Variants in SLC38A10 observed in about 807,000 individuals in gnomAD.
The protein encoded by SLC38A10 is Sodium-coupled neutral amino acid transporter 10.
Under a neutral mutation model 81.0 loss-of-function variants are expected in SLC38A10, and 53 were observed. The observed-to-expected ratio is 0.65, with a 90% CI of 0.53 to 0.82. The LOEUF is 0.82. Ranked by LOEUF, SLC38A10 falls within the 40% of genes least tolerant of loss-of-function variation. The pLI is 0.00. For missense variants in SLC38A10, 1,471 were observed against 1,545.0 expected, an observed-to-expected ratio of 0.95 and a Z score of 0.80; for synonymous variants, 665 against 655.3, an observed-to-expected ratio of 1.01 and a Z score of -0.23.
At chr17:81,263,909 C>CGGGCACT (rs1215722128) in intron 10 of SLC38A10, 4 of 152,624 alleles carry the variant, frequency 2.6e-5, no homozygotes, top group African/African-American at 9.7e-5. Context: ...GCAGCAGCAG[C>CGGGCACT]GGGCACTGGG....
Position 81,270,851 on chromosome 17 carries a change from C to G in SLC38A10, c.1131+67G>C. On this transcript the variant is annotated intron_variant, in intron 10 of 15. Coordinates refer to ENST00000374759, the MANE Select transcript of SLC38A10 (RefSeq NM_001037984.3). The surrounding 1 kb of genome is among the most constrained non-coding windows in gnomAD (Gnocchi z 4.0). The stretch of plus-strand genomic sequence containing the variant: ...AAACGCTGAACCAGGGGCTTCCTCC[C>G]GCCTCCACCTCTCCCCAGCCCAGAC... 9 of 1,383,152 alleles carry G rather than the reference C, an allele frequency of 6.5e-6. No homozygotes were observed. Among genetic ancestry groups the G allele is most frequent in the South Asian group, 3.5e-5 (3 of 85,428 alleles). 85.7% of individuals were successfully genotyped at this position (1,383,152 alleles called of 1,614,324 possible). A position where few individuals can be genotyped will look rare whatever the true frequency, so the allele number is the denominator to read the frequency against.
chr17:81,258,032 C>T (rs1417460769), intron 11 of SLC38A10, among the ~76,000 whole-genome samples: 2 of 152,244 alleles, frequency 1.3e-5, no homozygotes, highest in Non-Finnish European at 2.9e-5. Context: ...TGAGCCTTTG[C>T]AGGGACTCAG....
chr17:81,256,172 G>A (rs146905928), intron 11 of SLC38A10, among the ~76,000 whole-genome samples: 2,193 of 152,376 alleles, frequency 0.014, 21 homozygotes, highest in Non-Finnish European at 0.023. Context: ...ACTCAGCCAC[G>A]GCGGAGGCGG....
intron 11 of SLC38A10, among the ~76,000 whole-genome samples, chr17:81,254,091 ACCG>A (rs369252282): frequency 2.0e-5 from 3 of 152,088 alleles, no homozygotes; most frequent in South Asian, 2.1e-4. Context: ...CACCACCACC[ACCG>A]CCATCACCAC....
chr17:81,276,977 G>A lies in SLC38A10; in HGVS notation c.729+54C>T, dbSNP rs368751838. The A allele has an allele frequency of 6.3e-5, 98 of 1,557,120 alleles. No homozygotes were observed. The highest frequency in any genetic ancestry group is 8.0e-5 in the Non-Finnish European group (90 of 1,129,482). On this transcript the variant is annotated intron_variant, in intron 7 of 15. Transcript: ENST00000374759. The surrounding 1 kb of genome is among the most constrained non-coding windows in gnomAD (Gnocchi z 4.7). ...CTGTGGCAGTCCCACGGGGCACCACGGCACATCATGCTGGCATGACACAGG... is the reference window on the plus strand; with the variant it reads ...CTGTGGCAGTCCCACGGGGCACCACAGCACATCATGCTGGCATGACACAGG...
chr17:81,292,729 C>A (rs2063320506), intron 1 of SLC38A10, among the ~76,000 whole-genome samples: 2 of 152,200 alleles, frequency 1.3e-5, no homozygotes, highest in South Asian at 4.1e-4. Flanking sequence ...TAATGTCCAC[C>A]ACATGGCAGG....
Position 81,295,018 on chromosome 17 carries a change from A to G in SLC38A10, c.-97T>C. The G allele has an allele frequency of 1.4e-6, 2 of 1,406,040 alleles. No homozygotes were observed. Among genetic ancestry groups the G allele is most frequent in the South Asian group, 1.5e-5 (1 of 66,000 alleles). 87.1% of individuals were successfully genotyped at this position (1,406,040 alleles called of 1,614,324 possible). On this transcript the variant is annotated 5_prime_UTR_variant, in exon 1 of 16. Coordinates refer to ENST00000374759, the MANE Select transcript of SLC38A10 (RefSeq NM_001037984.3). The stretch of plus-strand genomic sequence containing the variant: ...GCCCGAGGCCACGGTCACAGGTCCC[A>G]ACGTCCGGGACGCCGGTGGGGAGGG...
In SLC38A10 at chr17:81,294,877, G is replaced by T; in HGVS notation, c.45C>A (p.Ile15=). 1.3e-6 allele frequency: 2 copies of T among 1,597,596 alleles called. No homozygotes were observed. The highest frequency in any genetic ancestry group is 1.7e-6 in the Non-Finnish European group (2 of 1,173,418). ...CACTGACCCCTACGATGCTGTTCACGATGTTCGTGATCAGCCCCCAGTTGG... is the reference window on the plus strand; with the variant it reads ...CACTGACCCCTACGATGCTGTTCACTATGTTCGTGATCAGCCCCCAGTTGG... ...AASNWGLITN[I]VNSIVGVSVL... Residue 15 remains isoleucine (I), a synonymous_variant, in exon 1 of 16, where the codon ATC becomes ATA. Transcript: ENST00000374759.
At chr17:81,282,989 G>A (rs2063229058) in intron 4 of SLC38A10, among the ~76,000 whole-genome samples, 1 of 152,204 alleles carries the variant, frequency 6.6e-6, no homozygotes, top group Non-Finnish European at 1.5e-5. Flanking sequence ...TCTGTGGTGG[G>A]GGGCAAGCAC....
Position 81,247,950 on chromosome 17 carries a change from CTT to C in SLC38A10, c.2066-891_2066-890del, listed in dbSNP as rs34228716. ...AATTTTAAAAACAAACAAAAGCTGT[CTT>C]TTTTTTTTTTTTTTTTTTTTTTGAG... is the stretch of plus-strand genomic sequence containing the variant. On this transcript the variant is annotated intron_variant, in intron 14 of 15. Transcript: ENST00000374759. 7.6e-3 allele frequency among the ~76,000 whole-genome samples: 559 copies of C among 73,094 alleles called. 1 individual carries two copies. Among genetic ancestry groups the C allele is most frequent in the African/African-American group, 0.03 (484 of 16,314 alleles). The allele number at this position is 73,094 out of a possible 152,430, so 48.0% of individuals were successfully genotyped here.
chr17:81,251,866 A>G (rs1414643208), intron 13 of SLC38A10: 3 of 530,534 alleles, frequency 5.7e-6, no homozygotes, highest in Non-Finnish European at 9.4e-6. Context: ...AACTGTCCTA[A>G]GCAGCTCTTA....
intron 1 of SLC38A10, among the ~76,000 whole-genome samples, chr17:81,293,807 T>A (rs1257171219): frequency 6.6e-6 from 1 of 152,262 alleles, no homozygotes; most frequent in Non-Finnish European, 1.5e-5. Context: ...CATGTTGTTT[T>A]CATTTTTCTA....
intron 11 of SLC38A10, among the ~76,000 whole-genome samples, chr17:81,255,187 G>T (rs760452611): frequency 1.3e-5 from 2 of 152,240 alleles, no homozygotes; most frequent in Non-Finnish European, 2.9e-5. Flanking sequence ...GATTGCACGG[G>T]CACCTGCAGG....
In SLC38A10 at chr17:81,252,517, AG is replaced by A. The variant is rs753873992; in HGVS notation, c.1622del (p.Pro541LeufsTer164). The A allele has an allele frequency of 1.9e-5, 30 of 1,613,218 alleles. No homozygotes were observed. Among genetic ancestry groups the A allele is most frequent in the Non-Finnish European group, 2.4e-5 (28 of 1,180,010 alleles). ...GTTTCTCTCTTTCTGAGTCGGGCAGAGGCGGCGCCATCTGGCCCTGGACCCC... is the reference window on the plus strand; with the variant it reads ...GTTTCTCTCTTTCTGAGTCGGGCAGAGCGGCGCCATCTGGCCCTGGACCCC... ...APGVQGQMAP[P>X]LPDSEREKQE... On this transcript the variant is annotated frameshift_variant, in exon 13 of 16. Transcript: ENST00000374759. LOFTEE classifies it high-confidence loss of function.
chr17:81,260,935 C>T (rs1228614627), intron 10 of SLC38A10, among the ~76,000 whole-genome samples: 1 of 152,258 alleles, frequency 6.6e-6, no homozygotes, highest in Non-Finnish European at 1.5e-5. Flanking sequence ...AGGCTGGCCC[C>T]GTGCAGCAGA....
In SLC38A10 at chr17:81,253,088, C is replaced by G. The variant is rs778165643; in HGVS notation, c.1441G>C (p.Asp481His). The G allele has an allele frequency of 3.7e-6, 6 of 1,613,258 alleles. No individual in the cohort carries two copies. In the African/African-American group the frequency reaches 6.7e-5, roughly 18 times the overall value. Residue 481 changes from aspartate to histidine, a missense_variant, in exon 12 of 16, where the codon GAT (aspartate) becomes CAT (histidine). Transcript: ENST00000374759. This position sits in a 1 kb window ranked among gnomAD's most constrained non-coding sequence, Gnocchi z 4.1. ...GKEAPEEAQL[D>H]RPGQGIAVPV... ...TGCCCAGCACCTTGCCCAGGGCGAT[C>G]GAGCTGTGCCTCCTCCGGTGCCTCC...
At chr17:81,248,939 C>G (rs1055040329) in intron 14 of SLC38A10, among the ~76,000 whole-genome samples, 1 of 152,236 alleles carries the variant, frequency 6.6e-6, no homozygotes, top group Non-Finnish European at 1.5e-5. Context: ...GCAGGTCTCC[C>G]GCACACCTCC....
At chr17:81,251,424 C>T (rs2062911596) in intron 14 of SLC38A10, 69 bp downstream of exon 14, 2 of 1,609,790 alleles carry the variant, frequency 1.2e-6, no homozygotes, top group Non-Finnish European at 1.7e-6. Context: ...TGGGCATCAC[C>T]CCAGGGCTGG....
intron 14 of SLC38A10, among the ~76,000 whole-genome samples, chr17:81,247,992 CTG>C (rs1491442049): frequency 9.0e-6 from 1 of 110,772 alleles, no homozygotes; most frequent in Non-Finnish European, 1.7e-5. Flanking sequence ...GAGTCTCACT[CTG>C]TCACCCAGGC....
Sources: gnomAD v4.1 joint callset for allele counts (sites outside exome capture counted in the v4.1 genomes callset) on GRCh38, gnomAD v4.1.1 for gene constraint, Gnocchi (gnomAD v3.1) non-coding constraint, MANE v1.5 for transcripts, NCBI Gene and HGNC (gene_info 2026-07-23, HGNC 2026-07-21) for gene names.